UMODL1: variants seen among roughly 807,000 people sequenced by gnomAD.
UMODL1 encodes uromodulin-like 1.
Under a neutral mutation model 136.3 loss-of-function variants are expected in UMODL1, and 128 were observed. That is an observed-to-expected ratio of 0.94 (90% CI 0.81 to 1.09). UMODL1 has a LOEUF of 1.09. UMODL1 is among the 50% of genes least tolerant of loss of function. The pLI, the probability that UMODL1 is intolerant of heterozygous loss-of-function variation, is 0.00. For missense variants in UMODL1, 1,766 were observed against 1,725.6 expected (o/e 1.02, Z -0.41); for synonymous variants, 721 against 720.0 (o/e 1.00, Z -0.02).
At chr21:42,124,783 T>C (rs220154) in intron 17 of UMODL1, among the ~76,000 whole-genome samples, 82,538 of 151,846 alleles carry the variant, frequency 0.54, 22,717 homozygotes, top group Middle Eastern at 0.66. Flanking sequence ...GTCCAAGGCA[T>C]TGCATTCTAA....
At chr21:42,063,398 G>A (rs575069495) in intron 1 of UMODL1, among the ~76,000 whole-genome samples, 3 of 152,294 alleles carry the variant, frequency 2.0e-5, no homozygotes, top group Non-Finnish European at 2.9e-5. Context: ...GCTGCCCCTC[G>A]GAGTCCCCCC....
intron 10 of UMODL1, among the ~76,000 whole-genome samples, chr21:42,110,120 C>A (rs1435013741): frequency 6.6e-6 from 1 of 152,186 alleles, no homozygotes; most frequent in Non-Finnish European, 1.5e-5. Flanking sequence ...CCCAGAGAAG[C>A]TGCAGAGAGG....
At chr21:42,138,820 C>T (rs983942911) in intron 22 of UMODL1, among the ~76,000 whole-genome samples, 2 of 152,158 alleles carry the variant, frequency 1.3e-5, no homozygotes, top group Non-Finnish European at 2.9e-5. Context: ...GGTGATCCAC[C>T]CGTCTCGGCC....
At chr21:42,117,725 T>C (rs144656776) in intron 14 of UMODL1, among the ~76,000 whole-genome samples, 23 of 152,324 alleles carry the variant, frequency 1.5e-4, no homozygotes, top group African/African-American at 5.5e-4. Flanking sequence ...CATTCCCTGC[T>C]CCTGGTTTGT....
rs1489811701 is a variant in UMODL1 at position 42,099,586 on chromosome 21, T to C, written c.1186+406T>C. 6.6e-6 allele frequency among the ~76,000 whole-genome samples: 1 copy of C among 152,128 alleles called. No individual in the cohort carries two copies. Among genetic ancestry groups the C allele is most frequent in the African/African-American group, 2.4e-5 (1 of 41,430 alleles). The stretch of plus-strand genomic sequence containing the variant: ...CAGCACTGAGGCCGTCTAAGTTCCC[T>C]CCCCGAGAGGGGAGCATCGCTGACG... On this transcript the variant is annotated intron_variant, in intron 7 of 22. Coordinates refer to ENST00000408910, the MANE Select transcript of UMODL1 (RefSeq NM_001004416.3). The surrounding 1 kb of genome is among the most constrained non-coding windows in gnomAD (Gnocchi z 4.1).
At chr21:42,071,237 C>G (rs2066227960), upstream of UMODL1, 3 of 1,362,478 alleles carry the variant, frequency 2.2e-6, no homozygotes, top group Non-Finnish European at 2.9e-6. Context: ...GCAGCTCAGG[C>G]CCCTATGAGC....
intron 9 of UMODL1, among the ~76,000 whole-genome samples, chr21:42,107,459 A>C (rs1461781820): frequency 6.6e-6 from 1 of 152,156 alleles, no homozygotes; most frequent in African/African-American, 2.4e-5. Flanking sequence ...CTGCAGAGTG[A>C]GAGAAGGGCC....
At chr21:42,065,037 T>C (rs190152450) in intron 1 of UMODL1, among the ~76,000 whole-genome samples, 3 of 152,368 alleles carry the variant, frequency 2.0e-5, no homozygotes, top group African/African-American at 7.2e-5. Flanking sequence ...TTCTCTCTTT[T>C]CCTCTTAAAC....
At chr21:42,108,954 C>T (rs34450935) in intron 9 of UMODL1, among the ~76,000 whole-genome samples, 18,887 of 92,306 alleles carry the variant, frequency 0.2, 3,722 homozygotes, top group African/African-American at 0.26. Flanking sequence ...CTCAGGCTGA[C>T]CCCCACTCCT....
intron 20 of UMODL1, among the ~76,000 whole-genome samples, chr21:42,128,394 C>T (rs543865341): frequency 3.3e-5 from 5 of 152,286 alleles, no homozygotes; most frequent in African/African-American, 9.6e-5. Context: ...ACATGTTGGT[C>T]GCCTGTTGTC....
At position 42,126,388 on chromosome 21, in the gene UMODL1, T is replaced by A; in HGVS notation, c.3191T>A (p.Leu1064Gln). The change falls in exon 18 of 23, where the codon CTG becomes CAG. Residue 1064 changes from leucine (L) to glutamine (Q), a missense_variant. Physicochemically the swap from Leu to Gln is moderately radical, Grantham distance 113. Coordinates refer to ENST00000408910, the MANE Select transcript of UMODL1 (RefSeq NM_001004416.3). ...TVVRTTLRNDLSQEGIIHHLK... is the reference protein window; with the variant it reads ...TVVRTTLRNDQSQEGIIHHLK... ...GTGAGGACCACGCTGAGGAACGACC[T>A]GTCCCAGGAGGGCATCATCCACCAC... is the stretch of plus-strand genomic sequence containing the variant. The A allele has an allele frequency of 6.2e-7, 1 of 1,614,206 alleles. No homozygotes were observed. The highest frequency in any genetic ancestry group is 8.5e-7 in the Non-Finnish European group (1 of 1,180,038).
At chr21:42,110,700 G>A (rs552695460) in intron 10 of UMODL1, among the ~76,000 whole-genome samples, 180 bp from the exon 11 acceptor site, 15 of 152,264 alleles carry the variant, frequency 9.9e-5, no homozygotes, top group South Asian at 2.1e-4. Flanking sequence ...AGAGAGCCCC[G>A]GGGAGGCTGC....
chr21:42,090,207 C>T (rs1215596439), intron 5 of UMODL1, 91 bp from the exon 6 acceptor site: 98 of 1,551,948 alleles, frequency 6.3e-5, no homozygotes, highest in Non-Finnish European at 8.3e-5. Context: ...ATCCGTGGCA[C>T]GAGTCCACAG....
chr21:42,110,706 G>T (rs1367632335), intron 10 of UMODL1, among the ~76,000 whole-genome samples, 174 bp from the exon 11 acceptor site: 10 of 152,164 alleles, frequency 6.6e-5, no homozygotes, highest in Admixed American at 6.5e-4. Context: ...CCCCGGGGAG[G>T]CTGCAAACAT....
intron 21 of UMODL1, 46 bp downstream of exon 21, chr21:42,129,843 G>A (rs763139995): frequency 1.4e-5 from 19 of 1,397,930 alleles, no homozygotes; most frequent in South Asian, 4.2e-5. Flanking sequence ...AGATGCAACC[G>A]ATTCCTTTTC....
chr21:42,112,581 T>TCCCAGCTCTTCTGTATCTC (rs1003195356), intron 12 of UMODL1, among the ~76,000 whole-genome samples: 12 of 150,150 alleles, frequency 8.0e-5, no homozygotes, highest in Admixed American at 4.0e-4. Flanking sequence ...GTTTTGTACC[T>TCCCAGCTCTTCTGTATCTC]CCCAGCTCTT....
chr21:42,131,109 G>A (rs918624288), intron 21 of UMODL1, among the ~76,000 whole-genome samples: 1 of 152,230 alleles, frequency 6.6e-6, no homozygotes, highest in East Asian at 1.9e-4. Context: ...CACTGCTCCC[G>A]GACTGACTCC....
chr21:42,132,696 A>T (rs944423964), intron 21 of UMODL1, among the ~76,000 whole-genome samples: 1 of 152,078 alleles, frequency 6.6e-6, no homozygotes, highest in African/African-American at 2.4e-5. Flanking sequence ...TGCCCTCCCT[A>T]CCTCATAAGG....
At position 42,127,770 on chromosome 21, in the gene UMODL1, T is replaced by A; in HGVS notation, c.3629T>A (p.Ile1210Asn). 6.2e-7 allele frequency: 1 copy of A among 1,614,184 alleles called. No homozygotes were observed. The highest frequency in any genetic ancestry group is 1.1e-5 in the South Asian group (1 of 91,072). The part of the protein sequence containing the change: ...LRIFSFINDS[I>N]VYLHCKLRVC... ...ATCTTTTCCTTTATCAACGACTCCA[T>A]CGTCTACCTGCACTGCAAACTCCGC... is the stretch of plus-strand genomic sequence containing the variant. The change falls in exon 20 of 23, where the codon ATC (isoleucine) becomes AAC (asparagine). Residue 1210 changes from isoleucine (I) to asparagine (N), a missense_variant. Physicochemically the swap from Ile to Asn is moderately radical, Grantham distance 149. Coordinates refer to ENST00000408910, the MANE Select transcript of UMODL1 (RefSeq NM_001004416.3).
Sources: gnomAD v4.1 joint callset for allele counts (sites outside exome capture counted in the v4.1 genomes callset) on GRCh38, gnomAD v4.1.1 for gene constraint, Gnocchi (gnomAD v3.1) non-coding constraint, MANE v1.5 for transcripts, NCBI Gene and HGNC (gene_info 2026-07-23, HGNC 2026-07-21) for gene names.